Variants in LRP5 observed in about 807,000 individuals in gnomAD.
LRP5 encodes LDL receptor related protein 5, also known as low-density lipoprotein receptor-related protein 5.
In LRP5, 62 loss-of-function variants were observed where a neutral mutation model predicts 154.1. The ratio of observed to expected loss-of-function variants is 0.40; its 90% CI spans 0.33 to 0.50. LRP5 has a LOEUF of 0.50. Among genes scored for constraint, LRP5 ranks in the 20% least tolerant of loss-of-function variants. The pLI is 0.55. For synonymous variants in LRP5, 966 were observed against 1,011.5 expected (o/e 0.96, Z 0.85); for missense variants, 1,915 against 2,336.7 (o/e 0.82, Z 3.72).
chr11:68,436,319 C>T (rs2098674882), intron 18 of LRP5, among the ~76,000 whole-genome samples: 1 of 151,996 alleles, frequency 6.6e-6, no homozygotes, highest in African/African-American at 2.4e-5. Flanking sequence ...GCTATGGCTC[C>T]CTCTGGGTGG....
intron 5 of LRP5, among the ~76,000 whole-genome samples, chr11:68,370,432 G>T (rs1201201667): frequency 3.3e-5 from 5 of 152,122 alleles, no homozygotes; most frequent in Non-Finnish European, 7.4e-5. Context: ...CTACCCAGAG[G>T]AGGAGGCCCC....
chr11:68,374,128 G>A (rs2098635989), intron 5 of LRP5, among the ~76,000 whole-genome samples: 1 of 152,238 alleles, frequency 6.6e-6, no homozygotes, highest in South Asian at 2.1e-4. Flanking sequence ...AGTCGGGGAT[G>A]GAGTGGGGGC....
At chr11:68,359,819 C>G (rs1313686255) in intron 3 of LRP5, among the ~76,000 whole-genome samples, 4 of 148,036 alleles carry the variant, frequency 2.7e-5, no homozygotes, top group Non-Finnish European at 5.9e-5. Context: ...TGGAGTCTTG[C>G]TCTGTCCCCC....
At chr11:68,328,874 G>A (rs565718339) in intron 1 of LRP5, among the ~76,000 whole-genome samples, 2 of 152,340 alleles carry the variant, frequency 1.3e-5, no homozygotes, top group South Asian at 4.1e-4. Context: ...TGCAGGACAC[G>A]GCGCAGAGGT....
intron 13 of LRP5, among the ~76,000 whole-genome samples, chr11:68,421,686 CTGTGTGTGTGTG>C (rs148066763): frequency 6.7e-5 from 9 of 133,404 alleles, no homozygotes; most frequent in African/African-American, 1.7e-4. Context: ...CCCAGCAAGG[CTGTGTGTGTGTG>C]TGTGTGTGTG....
intron 1 of LRP5, among the ~76,000 whole-genome samples, chr11:68,335,010 C>T (rs1022324169): frequency 6.6e-6 from 1 of 151,488 alleles, no homozygotes; most frequent in Non-Finnish European, 1.5e-5. Context: ...GGGGAAACAT[C>T]GGGCTAGGTT....
chr11:68,389,820 C>A, intron 6 of LRP5, 61 bp from the exon 7 acceptor site: 1 of 1,589,210 alleles, frequency 6.3e-7, no homozygotes, highest in Non-Finnish European at 8.6e-7. Context: ...GCTCTTGGCA[C>A]TGGGGATGCT....
intron 1 of LRP5, among the ~76,000 whole-genome samples, chr11:68,344,075 G>C (rs1275622632): frequency 6.6e-6 from 1 of 152,008 alleles, no homozygotes; most frequent in South Asian, 2.1e-4. Flanking sequence ...GCCCAGTCAG[G>C]GGTGGCGCCT....
intron 17 of LRP5, among the ~76,000 whole-genome samples, chr11:68,430,980 C>T (rs976663667): frequency 1.3e-5 from 2 of 152,198 alleles, no homozygotes; most frequent in Non-Finnish European, 2.9e-5. Flanking sequence ...CAGGGCACTC[C>T]ACCTGGACCC....
chr11:68,347,725 A>T (rs1242150124), intron 1 of LRP5, 122 bp from the exon 2 acceptor site: 33 of 1,205,232 alleles, frequency 2.7e-5, no homozygotes, highest in Non-Finnish European at 3.9e-5. Flanking sequence ...GGAGGAAGGA[A>T]CTGGAGGTCT....
At chr11:68,349,220 A>T (rs2098616335) in intron 2 of LRP5, among the ~76,000 whole-genome samples, 1 of 151,806 alleles carries the variant, frequency 6.6e-6, no homozygotes, top group Non-Finnish European at 1.5e-5. Context: ...TTTGGTACAG[A>T]TGGGGTTTCA....
chr11:68,419,291 GGT>G (rs1328730341), intron 13 of LRP5, among the ~76,000 whole-genome samples: 1 of 152,146 alleles, frequency 6.6e-6, no homozygotes, highest in African/African-American at 2.4e-5. Context: ...GGAGTGCAGT[GGT>G]GCGATCATGG....
rs183635029 is a variant in LRP5, at chr11:68,368,024, C to T, written c.1015+2322C>T. Among the ~76,000 whole-genome samples the T allele has an allele frequency of 1.0e-3, 150 of 149,682 alleles. 1 individual carries two copies. The highest frequency in any genetic ancestry group is 4.5e-3 in the East Asian group (23 of 5,084). On this transcript the variant is annotated intron_variant, in intron 5 of 22. Coordinates refer to ENST00000294304, the MANE Select transcript of LRP5 (RefSeq NM_002335.4). The stretch of plus-strand genomic sequence containing the variant: ...AGGTTGCACTGAGCCAAGATCATGC[C>T]GCTATACTCCAGCCTGGGCAACAGA...
chr11:68,346,051 C>T (rs2098612632), intron 1 of LRP5, among the ~76,000 whole-genome samples: 1 of 152,118 alleles, frequency 6.6e-6, no homozygotes, highest in Non-Finnish European at 1.5e-5. Flanking sequence ...TAGGAGTTCT[C>T]TGTATTTCAT....
chr11:68,326,510 C>G (rs1159549723), intron 1 of LRP5, among the ~76,000 whole-genome samples: 1 of 152,252 alleles, frequency 6.6e-6, no homozygotes, highest in Non-Finnish European at 1.5e-5. Context: ...CCCGTCTTCC[C>G]TCGCCCTGGC....
At chr11:68,362,388 A>G (rs563889127) in intron 3 of LRP5, among the ~76,000 whole-genome samples, 1 of 152,326 alleles carries the variant, frequency 6.6e-6, no homozygotes, top group East Asian at 1.9e-4. Context: ...TTCACTTTAA[A>G]GTGGTAAATT....
rs1279255536 is a variant in LRP5, at chr11:68,353,179, C to T, written c.489-4471C>T. 3.9e-5 allele frequency among the ~76,000 whole-genome samples: 6 copies of T among 152,194 alleles called. No homozygotes were observed. Among genetic ancestry groups the T allele is most frequent in the Admixed American group, 3.9e-4 (6 of 15,282 alleles). Reference sequence around the variant, plus strand: ...AAATGGTTCCTTTACATGCTTGCCTCTGAATTCTCTCCCAGAAGCCCTCCC... The same window carrying T: ...AAATGGTTCCTTTACATGCTTGCCTTTGAATTCTCTCCCAGAAGCCCTCCC... On this transcript the variant is annotated intron_variant, in intron 2 of 22. Coordinates refer to ENST00000294304, the MANE Select transcript of LRP5 (RefSeq NM_002335.4). This position sits in a 1 kb window ranked among gnomAD's most constrained non-coding sequence, Gnocchi z 4.5.
At chr11:68,425,354 C>T in intron 15 of LRP5, 62 bp downstream of exon 15, 1 of 1,511,440 alleles carries the variant, frequency 6.6e-7, no homozygotes. Flanking sequence ...GTAATGGCAG[C>T]AGCTGCCACA....
intron 7 of LRP5, among the ~76,000 whole-genome samples, chr11:68,396,076 TGGC>T (rs1477855598): frequency 2.0e-5 from 3 of 151,778 alleles, no homozygotes; most frequent in Non-Finnish European, 4.4e-5. Flanking sequence ...TCCCAGGCAA[TGGC>T]GGGGACAGTG....
Sources: allele counts gnomAD v4.1 joint callset (sites outside exome capture counted in the v4.1 genomes callset), GRCh38; gene constraint gnomAD v4.1.1; non-coding constraint Gnocchi (gnomAD v3.1); transcripts MANE v1.5; gene names NCBI Gene and HGNC (gene_info 2026-07-23, HGNC 2026-07-21).